The following ATG7 variants were observed in gnomAD, a reference collection of about 807,000 sequenced individuals.
The protein encoded by ATG7 is autophagy related 7.
In ATG7, 70 loss-of-function variants were observed where a neutral mutation model predicts 82.4. That is an observed-to-expected ratio of 0.85 (90% CI 0.70 to 1.04). The LOEUF (loss-of-function observed/expected upper bound fraction) is 1.04. Among genes scored for constraint, ATG7 ranks in the 50% least tolerant of loss-of-function variants. The probability of loss-of-function intolerance (pLI) is 0.00; values close to 1 mark genes in which losing one functional copy is unlikely to be tolerated. For missense variants in ATG7, 792 were observed against 864.3 expected, an observed-to-expected ratio of 0.92 and a Z score of 1.05; for synonymous variants, 287 against 313.0, an observed-to-expected ratio of 0.92 and a Z score of 0.88.
At chr3:11,568,885 G>A in the ATG7 span, 167 of 1,335,510 alleles carry the variant, frequency 1.3e-4, no homozygotes, top group African/African-American at 7.5e-4. This position sits in a 1 kb window ranked among gnomAD's most constrained non-coding sequence, Gnocchi z 5.9. Context: ...CACGGCACCC[G>A]GCCCCGCCCC....
At chr3:11,343,665 C>T (rs1199851824) in intron 13 of ATG7, among the ~76,000 whole-genome samples, 1 of 152,080 alleles carries the variant, frequency 6.6e-6, no homozygotes, top group Non-Finnish European at 1.5e-5. Context: ...TTTTTGGTTA[C>T]ATGATAAGGG....
intron 19 of ATG7, among the ~76,000 whole-genome samples, chr3:11,413,108 C>A (rs576519181): frequency 6.6e-6 from 1 of 152,194 alleles, no homozygotes; most frequent in East Asian, 1.9e-4. Flanking sequence ...ATATCATTTG[C>A]AAGCAGAAAT....
At chr3:11,513,023 T>C (rs1254141407) in intron 20 of ATG7, among the ~76,000 whole-genome samples, 2 of 152,184 alleles carry the variant, frequency 1.3e-5, no homozygotes, top group Non-Finnish European at 2.9e-5. Flanking sequence ...AGAGTGTCAA[T>C]TGGTGCATTC....
At chr3:11,525,417 T>A (rs1205993636) in intron 20 of ATG7, among the ~76,000 whole-genome samples, 5 of 150,904 alleles carry the variant, frequency 3.3e-5, no homozygotes, top group Non-Finnish European at 7.4e-5. Flanking sequence ...TGATTAACTT[T>A]ACTCATAAGA....
At position 11,477,713 on chromosome 3, in the gene ATG7, C is replaced by T. The variant is rs181593891; in HGVS notation, c.2079+50787C>T. Among the ~76,000 whole-genome samples, 17 of 152,274 alleles carry T rather than the reference C, an allele frequency of 1.1e-4. No homozygotes were observed. In the East Asian group the frequency reaches 3.3e-3, roughly 29 times the overall value. On this transcript the variant is annotated intron_variant, in intron 20 of 20. Coordinates refer to ENST00000693202, the MANE Select transcript of ATG7 (RefSeq NM_001349232.2). The stretch of plus-strand genomic sequence containing the variant: ...TTTTGCTTATGTAGTTGGAATGTTA[C>T]TGGAACTACTCATAGGATTACAGGA...
At chr3:11,520,937 A>G (rs910981773) in intron 20 of ATG7, among the ~76,000 whole-genome samples, 1 of 152,168 alleles carries the variant, frequency 6.6e-6, no homozygotes, top group Admixed American at 6.5e-5. Flanking sequence ...ACAAGTGAGC[A>G]TTTCCTTGCA....
chr3:11,433,544 A>G (rs2083102374), intron 20 of ATG7, among the ~76,000 whole-genome samples: 3 of 152,210 alleles, frequency 2.0e-5, no homozygotes, highest in Admixed American at 2.0e-4. Flanking sequence ...AGACTAATTT[A>G]TAAGAGAGTT....
At chr3:11,506,584 AC>A (rs370910174) in intron 20 of ATG7, among the ~76,000 whole-genome samples, 13 of 13,670 alleles carry the variant, frequency 9.5e-4, no homozygotes, top group East Asian at 5.2e-3. Flanking sequence ...AAAAAAAAAA[AC>A]CCAAAAATTA....
chr3:11,394,435 G>T (rs547969679), intron 19 of ATG7, among the ~76,000 whole-genome samples: 1 of 152,320 alleles, frequency 6.6e-6, no homozygotes, highest in East Asian at 1.9e-4. Flanking sequence ...TGAGCTTTGA[G>T]AGAGAATGTA....
chr3:11,399,202 G>A (rs1466931077), intron 19 of ATG7, among the ~76,000 whole-genome samples: 1 of 152,106 alleles, frequency 6.6e-6, no homozygotes, highest in Non-Finnish European at 1.5e-5. Context: ...TAAAAAATTA[G>A]CTAGGTATGG....
chr3:11,319,052 C>T (rs1226347101), intron 9 of ATG7, among the ~76,000 whole-genome samples: 1 of 152,200 alleles, frequency 6.6e-6, no homozygotes, highest in Non-Finnish European at 1.5e-5. Flanking sequence ...TCTGCGTCCT[C>T]AACATTTAGT....
chr3:11,290,961 C>T (rs1366116001), intron 3 of ATG7, among the ~76,000 whole-genome samples: 1 of 152,124 alleles, frequency 6.6e-6, no homozygotes, highest in Non-Finnish European at 1.5e-5. Flanking sequence ...GGATTACAGG[C>T]GTGAGTCACT....
chr3:11,286,546 T>TG (rs1200799499), intron 3 of ATG7, among the ~76,000 whole-genome samples: 189 of 147,530 alleles, frequency 1.3e-3, no homozygotes, highest in African/African-American at 4.3e-3. Flanking sequence ...TTTTGTTTTG[T>TG]GTTTTTTTTT....
chr3:11,546,013 C>T (rs2071252460), intron 20 of ATG7, among the ~76,000 whole-genome samples: 1 of 152,154 alleles, frequency 6.6e-6, no homozygotes, highest in Non-Finnish European at 1.5e-5. Context: ...TGGCATATGC[C>T]TGTAGTCCCA....
chr3:11,537,396 C>G (rs1438108551), intron 20 of ATG7, among the ~76,000 whole-genome samples: 1 of 152,170 alleles, frequency 6.6e-6, no homozygotes, highest in African/African-American at 2.4e-5. Flanking sequence ...CAGGGACCTC[C>G]CAGGGCAGGG....
chr3:11,314,184 GATA>G (rs1949070830), intron 8 of ATG7, among the ~76,000 whole-genome samples: 1 of 152,216 alleles, frequency 6.6e-6, no homozygotes. Flanking sequence ...ATTTGGGATA[GATA>G]ATAAGTTCAT....
Position 11,315,477 on chromosome 3 carries a change from A to T in ATG7, c.662A>T (p.Gln221Leu). 2 of 1,599,870 alleles carry T rather than the reference A, an allele frequency of 1.3e-6. No individual in the cohort carries two copies. Among genetic ancestry groups the T allele is most frequent in the South Asian group, 2.3e-5 (2 of 87,346 alleles). Residue 221 changes from glutamine (Q) to leucine (L), a missense_variant, in exon 9 of 21, where the codon CAA (glutamine) becomes CTA (leucine). Physicochemically the swap from Gln to Leu is moderately radical, Grantham distance 113. Coordinates refer to ENST00000693202, the MANE Select transcript of ATG7 (RefSeq NM_001349232.2). Reference sequence around the variant, plus strand: ...CTTAAACACTACAGTGATTTCTTCCAAGGTCAAAGGACGAAGGTCAGATAA... The same window carrying T: ...CTTAAACACTACAGTGATTTCTTCCTAGGTCAAAGGACGAAGGTCAGATAA... ...SLLKHYSDFFQGQRTKITIGV... is the reference protein window; with the variant it reads ...SLLKHYSDFFLGQRTKITIGV...
chr3:11,308,499 C>T (rs1176036320), intron 6 of ATG7: 1 of 156,782 alleles, frequency 6.4e-6, no homozygotes, highest in Non-Finnish European at 1.4e-5. Flanking sequence ...CCAGCAGAGT[C>T]TGCAGAGGAT....
chr3:11,298,643 A>G, intron 3 of ATG7, 43 bp from the exon 4 acceptor site: 1 of 1,564,464 alleles, frequency 6.4e-7, no homozygotes, highest in East Asian at 2.3e-5. Context: ...CAGGTTTTGC[A>G]TGGATATGTT....
Sources: allele counts gnomAD v4.1 joint callset (sites outside exome capture counted in the v4.1 genomes callset), GRCh38; gene constraint gnomAD v4.1.1; non-coding constraint Gnocchi (gnomAD v3.1); transcripts MANE v1.5; gene names NCBI Gene and HGNC (gene_info 2026-07-23, HGNC 2026-07-21).